Variants in UBE2D2 observed in about 807,000 individuals in gnomAD.
UBE2D2 encodes ubiquitin conjugating enzyme E2 D2.
A neutral mutation model predicts 24.2 loss-of-function variants in UBE2D2; 2 were observed. The ratio of observed to expected loss-of-function variants is 0.08; its 90% CI spans 0.03 to 0.26. The LOEUF (loss-of-function observed/expected upper bound fraction) is 0.26, where lower values mean the gene tolerates loss of function less well. UBE2D2 is among the 10% of genes least tolerant of loss of function. UBE2D2 has a pLI of 1.00. For synonymous variants in UBE2D2, 58 were observed against 56.5 expected (o/e 1.03, Z -0.12); for missense variants, 44 against 177.6 (o/e 0.25, Z 4.28).
chr5:139,553,552 C>T (rs1366178580), intron 1 of UBE2D2, among the ~76,000 whole-genome samples: 2 of 152,054 alleles, frequency 1.3e-5, no homozygotes, highest in African/African-American at 4.8e-5. Context: ...AGATCAAACT[C>T]CAGGAACATG....
chr5:139,537,791 C>T (rs1311530581), intron 1 of UBE2D2, among the ~76,000 whole-genome samples: 1 of 151,678 alleles, frequency 6.6e-6, no homozygotes, highest in African/African-American at 2.4e-5. Context: ...GGTGAGACCC[C>T]TTCTCTACTA....
chr5:139,546,640 G>C (rs534658293), intron 1 of UBE2D2, among the ~76,000 whole-genome samples: 34 of 151,574 alleles, frequency 2.2e-4, no homozygotes, highest in Non-Finnish European at 4.1e-4. Flanking sequence ...GCACCACCAC[G>C]CCCAGCTAAT....
At position 139,562,392 on chromosome 5, in the gene UBE2D2, A is replaced by G. The variant is rs778478056; in HGVS notation, c.24+577A>G. The G allele has an allele frequency of 3.8e-6, 5 of 1,320,384 alleles. No homozygotes were observed. In the Admixed American group the frequency reaches 6.4e-5, roughly 17 times the overall value. The allele number at this position is 1,320,384 out of a possible 1,614,324, so 81.8% of individuals were successfully genotyped here. ...AGAAACTGTTAAGAGTTGGAAGTTCAGAAGAAAAAAAAAAGGTGACTTAAT... is the reference window on the plus strand; with the variant it reads ...AGAAACTGTTAAGAGTTGGAAGTTCGGAAGAAAAAAAAAAGGTGACTTAAT... On this transcript the variant is annotated intron_variant, in intron 1 of 6. Coordinates refer to ENST00000398733, the MANE Select transcript of UBE2D2 (RefSeq NM_003339.3).
At chr5:139,620,151 C>A (rs879661316) in intron 5 of UBE2D2, among the ~76,000 whole-genome samples, 1 of 152,144 alleles carries the variant, frequency 6.6e-6, no homozygotes, top group Non-Finnish European at 1.5e-5. Flanking sequence ...TCCCACCAGG[C>A]CCCACCTCCA....
At chr5:139,612,755 T>C (rs1379312839) in intron 2 of UBE2D2, among the ~76,000 whole-genome samples, 1 of 152,130 alleles carries the variant, frequency 6.6e-6, no homozygotes. Context: ...GTGAGACTCG[T>C]GTATGTGTGC....
At chr5:139,561,157 CCGCCCAGGGCTTCGCAGCGTCA>C (rs1430073657), upstream of UBE2D2, 1 of 152,568 alleles carries the variant, frequency 6.6e-6, no homozygotes, top group Non-Finnish European at 1.5e-5. Flanking sequence ...CGCGAGATCT[CCGCCCAGGGCTTCGCAGCGTCA>C]CGCCCTCCGG....
chr5:139,558,090 G>GA (rs891812103), upstream of UBE2D2, among the ~76,000 whole-genome samples: 34 of 146,660 alleles, frequency 2.3e-4, no homozygotes, highest in Middle Eastern at 6.9e-3. Flanking sequence ...CCCATCTCAA[G>GA]AAAAAAAAAG....
chr5:139,595,631 G>A (rs1381045916), intron 1 of UBE2D2, among the ~76,000 whole-genome samples: 2 of 151,974 alleles, frequency 1.3e-5, no homozygotes, highest in East Asian at 3.9e-4. Context: ...ACTGTGCCCA[G>A]CCATGATGAC....
chr5:139,625,883 G>A (rs976716041), intron 6 of UBE2D2, among the ~76,000 whole-genome samples: 1 of 152,128 alleles, frequency 6.6e-6, no homozygotes, highest in Non-Finnish European at 1.5e-5. Flanking sequence ...GGGATTACAG[G>A]CGTGAGCCAC....
rs574966848 is a variant in UBE2D2 at position 139,555,851 on chromosome 5, G to A, written c.-64+29239G>A. On this transcript the variant is annotated intron_variant, in intron 1 of 6. Transcript: ENST00000511725. Reference sequence around the variant, plus strand: ...TGAGGCAGGAGAATCGCTTGAACCCGGGAGGCAGAGGTTGCAGTGAGCTGA... The same window carrying A: ...TGAGGCAGGAGAATCGCTTGAACCCAGGAGGCAGAGGTTGCAGTGAGCTGA... 1.7e-4 allele frequency among the ~76,000 whole-genome samples: 25 copies of A among 147,222 alleles called. 1 individual carries two copies. In the South Asian group the frequency reaches 3.7e-3, roughly 22 times the overall value.
At chr5:139,602,260 G>A (rs10068179) in intron 2 of UBE2D2, among the ~76,000 whole-genome samples, 2 of 152,274 alleles carry the variant, frequency 1.3e-5, no homozygotes, top group South Asian at 2.1e-4. Flanking sequence ...CCATGTTGGC[G>A]AGGCTGGTCT....
At chr5:139,548,996 G>A (rs187460440) in intron 1 of UBE2D2, among the ~76,000 whole-genome samples, 2 of 151,996 alleles carry the variant, frequency 1.3e-5, no homozygotes, top group East Asian at 1.9e-4. Context: ...TTACAGGCGC[G>A]TGCCACCATG....
chr5:139,600,270 T>A (rs759922799), intron 1 of UBE2D2, 102 bp from the exon 2 acceptor site: 6 of 1,268,124 alleles, frequency 4.7e-6, no homozygotes, highest in South Asian at 1.2e-5. Context: ...TTAAGAGAGT[T>A]TCACCAGCAG....
chr5:139,572,104 C>T (rs1561506741), intron 1 of UBE2D2, among the ~76,000 whole-genome samples: 1 of 152,164 alleles, frequency 6.6e-6, no homozygotes, highest in Non-Finnish European at 1.5e-5. Context: ...TACTTAATTG[C>T]CACATTCAGT....
At chr5:139,591,793 T>C (rs1753850653) in intron 1 of UBE2D2, among the ~76,000 whole-genome samples, 2 of 152,174 alleles carry the variant, frequency 1.3e-5, no homozygotes, top group South Asian at 4.1e-4. Context: ...GCTGGGAACA[T>C]AAGCAAGTAG....
rs1313864525 is a variant in UBE2D2 at position 139,541,995 on chromosome 5, T to C, written c.-64+15383T>C. Among the ~76,000 whole-genome samples the C allele has an allele frequency of 1.3e-5, 2 of 152,162 alleles. 1 individual carries two copies. The highest frequency in any genetic ancestry group is 3.9e-4 in the East Asian group (2 of 5,190). On this transcript the variant is annotated intron_variant, in intron 1 of 6. Transcript: ENST00000511725. ...TGAGGTCAGGAGTTCAAGACCAGCC[T>C]GGCCAACATGGCAAAAACCCATCTC...
chr5:139,571,541 G>A (rs1753352036), intron 1 of UBE2D2, among the ~76,000 whole-genome samples: 1 of 152,086 alleles, frequency 6.6e-6, no homozygotes, highest in Admixed American at 6.6e-5. Flanking sequence ...GAAACAGTGG[G>A]AGAAATAAAC....
chr5:139,622,656 A>G (rs190702911), intron 5 of UBE2D2, among the ~76,000 whole-genome samples: 129 of 142,334 alleles, frequency 9.1e-4, no homozygotes, highest in Middle Eastern at 8.8e-3. Flanking sequence ...TTGGGAGGCC[A>G]AGGTGGGCGG....
chr5:139,546,514 G>A (rs1337000542), intron 1 of UBE2D2, among the ~76,000 whole-genome samples: 1 of 146,286 alleles, frequency 6.8e-6, no homozygotes, highest in Non-Finnish European at 1.5e-5. Context: ...ACAGAGTCTT[G>A]CTCTGTCACC....
Sources: gnomAD v4.1 joint callset for allele counts (sites outside exome capture counted in the v4.1 genomes callset) on GRCh38, gnomAD v4.1.1 for gene constraint, MANE v1.5 for transcripts, NCBI Gene and HGNC (gene_info 2026-07-23, HGNC 2026-07-21) for gene names.